Variants in ADGRV1 observed in about 807,000 individuals in gnomAD.
The protein encoded by ADGRV1 is adhesion G protein-coupled receptor V1.
In ADGRV1, 359 loss-of-function variants were observed where a neutral mutation model predicts 596.2. The ratio of observed to expected loss-of-function variants is 0.60; its 90% CI spans 0.55 to 0.66. The LOEUF (loss-of-function observed/expected upper bound fraction) is 0.66. Among genes scored for constraint, ADGRV1 ranks in the 30% least tolerant of loss-of-function variants. The pLI is 0.00. For missense variants in ADGRV1, 7,274 were observed against 7,575.6 expected (o/e 0.96, Z 1.48); for synonymous variants, 2,681 against 2,679.2 (o/e 1.00, Z -0.02).
chr5:90,672,449 A>G, intron 21 of ADGRV1, 97 bp from the exon 22 acceptor site: 3 of 961,114 alleles, frequency 3.1e-6, no homozygotes, highest in Non-Finnish European at 4.7e-6. Flanking sequence ...AAAGTTGTAG[A>G]ATTAAGTTTA....
chr5:90,784,766 A>G (rs913205917), intron 67 of ADGRV1, among the ~76,000 whole-genome samples: 2 of 152,096 alleles, frequency 1.3e-5, no homozygotes, highest in African/African-American at 2.4e-5. Context: ...AATGAAATAA[A>G]AGAGGACACA....
chr5:90,718,337 T>TTA (rs1750429743), intron 43 of ADGRV1: 1 of 152,224 alleles, frequency 6.6e-6, no homozygotes, highest in African/African-American at 2.4e-5. Context: ...CACAGCTAGA[T>TTA]TATATTTTAT....
At chr5:90,628,505 T>G (rs1325995722) in intron 7 of ADGRV1, 57 bp from the exon 8 acceptor site, 2 of 1,461,072 alleles carry the variant, frequency 1.4e-6, no homozygotes, top group Non-Finnish European at 1.9e-6. Context: ...GGAAAGCTTA[T>G]CTAAGGGAAA....
intron 9 of ADGRV1, among the ~76,000 whole-genome samples, chr5:90,631,091 G>A (rs978068794): frequency 3.3e-5 from 5 of 152,296 alleles, no homozygotes; most frequent in Non-Finnish European, 7.4e-5. Flanking sequence ...CATATTGATA[G>A]TTTGGCTTGG....
chr5:90,975,227 A>G (rs565930209), intron 84 of ADGRV1, among the ~76,000 whole-genome samples: 70 of 152,090 alleles, frequency 4.6e-4, no homozygotes, highest in African/African-American at 1.6e-3. Context: ...ATGTCGAGAA[A>G]TAGGAACACT....
chr5:91,065,388 C>G (rs932827828), intron 85 of ADGRV1, among the ~76,000 whole-genome samples: 6 of 152,242 alleles, frequency 3.9e-5, no homozygotes, highest in Non-Finnish European at 8.8e-5. Context: ...CTACCTGGGT[C>G]CTTTTCATTA....
intron 83 of ADGRV1, among the ~76,000 whole-genome samples, chr5:90,934,571 C>G (rs1366928724): frequency 6.6e-6 from 1 of 152,122 alleles, no homozygotes. Context: ...CCATCCTGAA[C>G]CTTGTCCATG....
chr5:90,640,126 A>G (rs572522497), intron 11 of ADGRV1, among the ~76,000 whole-genome samples: 19 of 152,230 alleles, frequency 1.2e-4, no homozygotes, highest in Non-Finnish European at 2.2e-4. Flanking sequence ...TATGTGGTAT[A>G]TAACCCTATA....
In ADGRV1 at chr5:90,955,682, C is replaced by G. The variant is rs58911687; in HGVS notation, c.17857-9733C>G. Among the ~76,000 whole-genome samples, 799 of 152,216 alleles carry G rather than the reference C, an allele frequency of 5.2e-3. 9 individuals carry two copies. Among genetic ancestry groups the G allele is most frequent in the African/African-American group, 0.018 (757 of 41,534 alleles). ...ACACTTTTGTACTTGGGAAAGTGTT[C>G]TAACTAAAGCAATTATGCAATAAAA... is the stretch of plus-strand genomic sequence containing the variant. On this transcript the variant is annotated intron_variant, in intron 83 of 89. Coordinates refer to ENST00000405460, the MANE Select transcript of ADGRV1 (RefSeq NM_032119.4).
chr5:90,925,069 G>A (rs966758714), intron 83 of ADGRV1, among the ~76,000 whole-genome samples: 2 of 152,108 alleles, frequency 1.3e-5, no homozygotes, highest in African/African-American at 4.8e-5. Context: ...GTAGTGTGAT[G>A]CCTCCAGCTT....
rs1409922222 is a variant in ADGRV1 at position 90,558,884 on chromosome 5, G to A, written c.-12G>A. On this transcript the variant is annotated 5_prime_UTR_variant, in exon 1 of 90. Transcript: ENST00000405460. ...GTGTGGAGGGCCGGCGGGGACCGCC[G>A]GGAGCGCGCGGATGTCGGTGTTCCT... 6.4e-7 allele frequency: 1 copy of A among 1,559,428 alleles called. No individual in the cohort carries two copies. The highest frequency in any genetic ancestry group is 1.2e-5 in the South Asian group (1 of 84,946).
intron 50 of ADGRV1, among the ~76,000 whole-genome samples, chr5:90,741,645 A>C (rs930291554): frequency 1.3e-5 from 2 of 152,182 alleles, no homozygotes; most frequent in African/African-American, 4.8e-5. Context: ...AAAAATATAT[A>C]ATAGGCATAC....
At chr5:90,731,318 A>G (rs373786948) in intron 50 of ADGRV1, among the ~76,000 whole-genome samples, 9 of 152,154 alleles carry the variant, frequency 5.9e-5, no homozygotes, top group Non-Finnish European at 1.2e-4. Context: ...GAACTCCTCT[A>G]CTATCACAAG....
At chr5:90,763,255 C>A (rs772952782) in intron 58 of ADGRV1, 50 bp from the exon 59 acceptor site, 2 of 1,308,920 alleles carry the variant, frequency 1.5e-6, no homozygotes, top group African/African-American at 2.9e-5. Context: ...GTTTATCCTG[C>A]TCTTTTTGTT....
intron 83 of ADGRV1, among the ~76,000 whole-genome samples, chr5:90,933,695 TG>T (rs1775445449): frequency 6.6e-6 from 1 of 152,200 alleles, no homozygotes; most frequent in Non-Finnish European, 1.5e-5. Flanking sequence ...GGCCTCTACT[TG>T]GTTCTCCCGG....
chr5:90,862,586 A>G (rs759722904), intron 82 of ADGRV1, among the ~76,000 whole-genome samples: 43 of 152,140 alleles, frequency 2.8e-4, no homozygotes, highest in South Asian at 6.2e-4. Flanking sequence ...TACACTCTGT[A>G]CTTGTGTGGG....
At chr5:91,158,234 C>T (rs1796634673) in intron 89 of ADGRV1, among the ~76,000 whole-genome samples, 1 of 152,206 alleles carries the variant, frequency 6.6e-6, no homozygotes, top group Non-Finnish European at 1.5e-5. Flanking sequence ...CATCTGCAGC[C>T]AACCTTAGAG....
chr5:90,817,035 A>G (rs548769130), intron 75 of ADGRV1, among the ~76,000 whole-genome samples: 2 of 152,292 alleles, frequency 1.3e-5, no homozygotes, highest in Admixed American at 1.3e-4. Context: ...CCAACAGTGT[A>G]AAAGTGTTCC....
In ADGRV1 at chr5:90,647,689, A is replaced by C; in HGVS notation, c.3214A>C (p.Ile1072Leu). The change falls in exon 17 of 90, where the codon ATA (isoleucine) becomes CTA (leucine). Residue 1072 changes from isoleucine to leucine, a missense_variant. Ile to Leu is a conservative substitution (Grantham distance 5, BLOSUM62 2). Transcript: ENST00000405460. ...TGAGGTTGGAAGTAGACAGCAGAGCATATCCATATTTGTTAATGAAGATGG... is the reference window on the plus strand; with the variant it reads ...TGAGGTTGGAAGTAGACAGCAGAGCCTATCCATATTTGTTAATGAAGATGG... The part of the protein sequence containing the change: ...IFEVGSRQQS[I>L]SIFVNEDGIP... 6.2e-7 allele frequency: 1 copy of C among 1,613,874 alleles called. No individual in the cohort carries two copies. Among genetic ancestry groups the C allele is most frequent in the East Asian group, 2.2e-5 (1 of 44,878 alleles).
Sources: allele counts gnomAD v4.1 joint callset (sites outside exome capture counted in the v4.1 genomes callset), GRCh38; gene constraint gnomAD v4.1.1; transcripts MANE v1.5; gene names NCBI Gene and HGNC (gene_info 2026-07-23, HGNC 2026-07-21).